The following DLGAP2 variants were observed in gnomAD, a reference collection of about 807,000 sequenced individuals.
DLGAP2 encodes DLG associated protein 2.
A neutral mutation model predicts 100.3 loss-of-function variants in DLGAP2; 26 were observed. The observed-to-expected ratio is 0.26, with a 90% CI of 0.19 to 0.36. The LOEUF is 0.36. DLGAP2 is among the 10% of genes least tolerant of loss of function. The probability of loss-of-function intolerance (pLI) is 1.00; values close to 1 mark genes in which losing one functional copy is unlikely to be tolerated. For synonymous variants in DLGAP2, 886 were observed against 630.1 expected, an observed-to-expected ratio of 1.41 and a Z score of -6.08; for missense variants, 1,858 against 1,453.2, an observed-to-expected ratio of 1.28 and a Z score of -4.53.
chr8:1,557,679 A>G (rs1802013745), intron 5 of DLGAP2, among the ~76,000 whole-genome samples: 1 of 152,076 alleles, frequency 6.6e-6, no homozygotes, highest in African/African-American at 2.4e-5. Flanking sequence ...GGTGCCCAAG[A>G]CCGTGGAGTC....
intron 1 of DLGAP2, among the ~76,000 whole-genome samples, chr8:812,466 G>C (rs62488851): frequency 6.6e-6 from 1 of 152,178 alleles, no homozygotes; most frequent in African/African-American, 2.4e-5. Context: ...TTCCCAAGAG[G>C]AATGTAAAAT....
intron 2 of DLGAP2, among the ~76,000 whole-genome samples, chr8:1,048,450 G>T (rs1356216866): frequency 1.3e-5 from 2 of 152,014 alleles, no homozygotes; most frequent in East Asian, 3.9e-4. Flanking sequence ...GGTAGCGACG[G>T]CATCGTCTGT....
At chr8:1,566,261 G>A (rs753495102) in intron 6 of DLGAP2, among the ~76,000 whole-genome samples, 2 of 152,152 alleles carry the variant, frequency 1.3e-5, no homozygotes, top group Non-Finnish European at 2.9e-5. Context: ...AGTAAAACTC[G>A]TTAACGGAAT....
At chr8:746,253 A>G (rs1280441020) in intron 1 of DLGAP2, among the ~76,000 whole-genome samples, 1 of 152,160 alleles carries the variant, frequency 6.6e-6, no homozygotes, top group East Asian at 1.9e-4. Flanking sequence ...ATGTTTTCTG[A>G]TCATATCTGG....
chr8:1,318,935 C>T (rs1585255339), intron 3 of DLGAP2, among the ~76,000 whole-genome samples: 2 of 152,204 alleles, frequency 1.3e-5, no homozygotes, highest in East Asian at 3.9e-4. Flanking sequence ...TCAAAACGCT[C>T]AGCATGGTTT....
At chr8:959,301 A>G (rs1053500736) in intron 2 of DLGAP2, among the ~76,000 whole-genome samples, 1 of 151,866 alleles carries the variant, frequency 6.6e-6, no homozygotes, top group Non-Finnish European at 1.5e-5. Flanking sequence ...TCTCAAGTGC[A>G]TTTGTGTGGC....
intron 2 of DLGAP2, among the ~76,000 whole-genome samples, chr8:1,196,084 T>C (rs1650851360): frequency 6.6e-6 from 1 of 152,248 alleles, no homozygotes; most frequent in Non-Finnish European, 1.5e-5. Flanking sequence ...AGCTGTGTCA[T>C]AACTTAGGCA....
chr8:1,513,405 C>G (rs1800247744), intron 4 of DLGAP2, among the ~76,000 whole-genome samples: 1 of 151,950 alleles, frequency 6.6e-6, no homozygotes, highest in Non-Finnish European at 1.5e-5. Flanking sequence ...GGAGAGGCCA[C>G]AGGCCAGCCC....
intron 8 of DLGAP2, among the ~76,000 whole-genome samples, chr8:1,664,309 C>T (rs112507798): frequency 0.014 from 2,159 of 152,254 alleles, 19 homozygotes; most frequent in South Asian, 0.023. Context: ...AGGCTATGTC[C>T]GCTGGCCCGT....
At chr8:786,395 C>T (rs1821867908) in intron 1 of DLGAP2, among the ~76,000 whole-genome samples, 1 of 152,156 alleles carries the variant, frequency 6.6e-6, no homozygotes, top group Admixed American at 6.5e-5. Flanking sequence ...GGGACAGCCA[C>T]CATTTTCGTC....
intron 2 of DLGAP2, among the ~76,000 whole-genome samples, chr8:1,089,813 A>G (rs1416456309): frequency 6.6e-6 from 1 of 152,226 alleles, no homozygotes; most frequent in Non-Finnish European, 1.5e-5. Flanking sequence ...TTTTGTATGG[A>G]TTCCACATTG....
chr8:947,632 C>T (rs1004641860), intron 2 of DLGAP2, among the ~76,000 whole-genome samples: 1 of 152,198 alleles, frequency 6.6e-6, no homozygotes, highest in Admixed American at 6.5e-5. Flanking sequence ...CTGGTCACCA[C>T]CTCCACGCGC....
intron 3 of DLGAP2, among the ~76,000 whole-genome samples, chr8:1,303,375 C>T (rs896351432): frequency 3.6e-5 from 5 of 137,200 alleles, no homozygotes; most frequent in African/African-American, 8.3e-5. Flanking sequence ...CCAGCCTGGG[C>T]GACAGAGCGA....
chr8:1,545,362 C>T (rs1177630456), intron 4 of DLGAP2, among the ~76,000 whole-genome samples: 1 of 152,114 alleles, frequency 6.6e-6, no homozygotes, highest in Non-Finnish European at 1.5e-5. Flanking sequence ...ATTGGGTAGG[C>T]CGGCCGCCCC....
In DLGAP2 at chr8:1,045,441, A is replaced by G. The variant is rs150387702; in HGVS notation, c.73+137475A>G. Among the ~76,000 whole-genome samples, 135 of 152,336 alleles carry G rather than the reference A, an allele frequency of 8.9e-4. 2 individuals carry two copies. The highest frequency in any genetic ancestry group is 4.2e-3 in the Admixed American group (65 of 15,306). On this transcript the variant is annotated intron_variant, in intron 2 of 14. Coordinates refer to ENST00000637795, the MANE Select transcript of DLGAP2 (RefSeq NM_001346810.2). The stretch of plus-strand genomic sequence containing the variant: ...GTTTTGAAAGACGTAAACACTGCGG[A>G]GAGACTAAATTGAGCTAATTAACGT...
Position 1,352,219 on chromosome 8 carries a change from G to C in DLGAP2, c.106+93336G>C, listed in dbSNP as rs147243504. Among the ~76,000 whole-genome samples the C allele has an allele frequency of 6.5e-4, 80 of 122,748 alleles. 8 individuals are homozygous for C. The highest frequency in any genetic ancestry group is 2.2e-3 in the African/African-American group (73 of 33,052). 80.5% of individuals were successfully genotyped at this position (122,748 alleles called of 152,430 possible). On this transcript the variant is annotated intron_variant, in intron 3 of 14. Coordinates refer to ENST00000637795, the MANE Select transcript of DLGAP2 (RefSeq NM_001346810.2). The stretch of plus-strand genomic sequence containing the variant: ...GGTCCTGACTGTGTGTGGAAAGGCC[G>C]TGCGGGTCCTGACTGTGTTTGGAAA...
intron 3 of DLGAP2, among the ~76,000 whole-genome samples, chr8:1,352,640 G>A (rs1801762101): frequency 6.6e-6 from 1 of 152,158 alleles, no homozygotes; most frequent in Non-Finnish European, 1.5e-5. Flanking sequence ...AAGCTTTGAG[G>A]TAAAGACTCG....
chr8:878,989 A>T (rs920157799), intron 1 of DLGAP2, among the ~76,000 whole-genome samples: 4 of 152,228 alleles, frequency 2.6e-5, no homozygotes, highest in African/African-American at 9.6e-5. Context: ...CCTGGGACTG[A>T]TGGTACTCTG....
chr8:1,414,532 G>A (rs1280130767), intron 3 of DLGAP2, among the ~76,000 whole-genome samples: 2 of 152,206 alleles, frequency 1.3e-5, no homozygotes, highest in African/African-American at 4.8e-5. Context: ...TGGCGGGGAG[G>A]GACTGACCGG....
Sources: gnomAD v4.1 joint callset for allele counts (sites outside exome capture counted in the v4.1 genomes callset) on GRCh38, gnomAD v4.1.1 for gene constraint, MANE v1.5 for transcripts, NCBI Gene and HGNC (gene_info 2026-07-23, HGNC 2026-07-21) for gene names.